FCRL5: variants seen among roughly 807,000 people sequenced by gnomAD.
FCRL5 encodes the protein Fc receptor-like protein 5.
FCRL5 carries 79 observed loss-of-function variants against 92.1 expected under a neutral mutation model. The observed-to-expected ratio is 0.86, with a 90% confidence interval of 0.72 to 1.03. FCRL5 has a LOEUF of 1.03. FCRL5 is among the 50% of genes least tolerant of loss of function. The pLI, the probability that FCRL5 is intolerant of heterozygous loss-of-function variation, is 0.00. For synonymous variants in FCRL5, 466 were observed against 469.3 expected, an observed-to-expected ratio of 0.99 and a Z score of 0.09; for missense variants, 1,160 against 1,181.1, an observed-to-expected ratio of 0.98 and a Z score of 0.26.
At chr1:157,547,533 G>A (rs1035904447) in intron 2 of FCRL5, 1 of 396,396 alleles carries the variant, frequency 2.5e-6, no homozygotes, top group Middle Eastern at 5.8e-4. Flanking sequence ...ACACTCATAA[G>A]AAACTCCAAA....
chr1:157,515,963 G>A (rs888362200), intron 15 of FCRL5, 90 bp from the exon 16 acceptor site: 7 of 1,422,290 alleles, frequency 4.9e-6, no homozygotes, highest in East Asian at 2.3e-5. Flanking sequence ...TGAGCCTCCT[G>A]GAGGCCCGCT....
chr1:157,547,810 G>T (rs1651628515), intron 2 of FCRL5, among the ~76,000 whole-genome samples: 1 of 152,202 alleles, frequency 6.6e-6, no homozygotes, highest in Non-Finnish European at 1.5e-5. Context: ...GTAGAGGGTT[G>T]TTGCTGTTCA....
At chr1:157,518,851 T>G in intron 13 of FCRL5, 69 bp from the exon 14 acceptor site, 2 of 1,297,854 alleles carry the variant, frequency 1.5e-6, no homozygotes, top group South Asian at 2.8e-5. Context: ...TCACTCCTAG[T>G]GAGTGACTTC....
Position 157,544,369 on chromosome 1 carries a change from T to C in FCRL5, c.737A>G (p.Gln246Arg). The change falls in exon 5 of 17, where the codon CAG (glutamine) becomes CGG (arginine). Residue 246 changes from glutamine to arginine, a missense_variant. Physicochemically the swap from Gln to Arg is conservative, Grantham distance 43. Transcript: ENST00000361835. ...ATCTTTACTCCACATGGCAGTAATC[T>C]GGAAATTCGGGGAGAGACTCCAGCC... Reference protein sequence around the residue: ...GLGWSLSPNFQITAMWSKDSG... With the variant: ...GLGWSLSPNFRITAMWSKDSG... 1.1e-5 allele frequency: 17 copies of C among 1,614,200 alleles called. No homozygotes were observed. Among genetic ancestry groups the C allele is most frequent in the Non-Finnish European group, 1.4e-5 (17 of 1,180,034 alleles).
intron 15 of FCRL5, chr1:157,516,154 T>G: frequency 1.8e-6 from 1 of 565,362 alleles, no homozygotes; most frequent in Non-Finnish European, 3.2e-6. Flanking sequence ...TTTTATCTTG[T>G]TAGTTATTTG....
In FCRL5 at chr1:157,518,618, T is replaced by C. The variant is rs1276447775; in HGVS notation, c.2743+82A>G. The C allele has an allele frequency of 1.8e-5, 26 of 1,472,004 alleles. No individual in the cohort carries two copies. The South Asian group carries it at 2.8e-4, about 16-fold the overall frequency. The allele number at this position is 1,472,004 out of a possible 1,614,324, so 91.2% of individuals were successfully genotyped here. A position where few individuals can be genotyped will look rare whatever the true frequency, so the allele number is the denominator to read the frequency against. On this transcript the variant is annotated intron_variant, in intron 14 of 16. Transcript: ENST00000361835. ...GACTAGAGCCCTCTAGGCCTCGGCATAGTCCCTCCCCATCTCCTGCCCCAC... is the reference window on the plus strand; with the variant it reads ...GACTAGAGCCCTCTAGGCCTCGGCACAGTCCCTCCCCATCTCCTGCCCCAC...
At chr1:157,547,970 G>T (rs1250412938) in intron 2 of FCRL5, among the ~76,000 whole-genome samples, 1 of 152,204 alleles carries the variant, frequency 6.6e-6, no homozygotes, top group Non-Finnish European at 1.5e-5. Context: ...TGTCCTGGAG[G>T]ATTTTACTCC....
At chr1:157,550,127 C>T (rs1651751333) in intron 1 of FCRL5, among the ~76,000 whole-genome samples, 1 of 151,790 alleles carries the variant, frequency 6.6e-6, no homozygotes, top group Admixed American at 6.6e-5. Flanking sequence ...AGAAAGGGCA[C>T]AGAAGTGGAG....
chr1:157,535,179 C>T (rs1189572560), intron 7 of FCRL5, among the ~76,000 whole-genome samples: 1 of 152,168 alleles, frequency 6.6e-6, no homozygotes, highest in African/African-American at 2.4e-5. Context: ...GGAAAAAATT[C>T]CTTGTCTTGC....
At chr1:157,530,253 A>G (rs1460408181) in intron 8 of FCRL5, among the ~76,000 whole-genome samples, 1 of 152,228 alleles carries the variant, frequency 6.6e-6, no homozygotes, top group East Asian at 1.9e-4. Flanking sequence ...GTATTACTTA[A>G]AAATCTACAT....
chr1:157,535,755 T>C (rs1476348339), intron 7 of FCRL5, among the ~76,000 whole-genome samples: 3 of 152,158 alleles, frequency 2.0e-5, no homozygotes, highest in Non-Finnish European at 4.4e-5. Flanking sequence ...AAGTTAATCA[T>C]CAAAACAATT....
intron 13 of FCRL5, 58 bp from the exon 14 acceptor site, chr1:157,518,840 A>G (rs554960795): frequency 5.5e-6 from 8 of 1,443,634 alleles, no homozygotes; most frequent in Non-Finnish European, 7.7e-6. Context: ...AGCTATAATG[A>G]TCACTCCTAG....
Position 157,515,459 on chromosome 1 carries a change from G to T in FCRL5, c.*216C>A. The T allele has an allele frequency of 1.1e-6, 1 of 944,816 alleles. No homozygotes were observed. 58.5% of individuals were successfully genotyped at this position (944,816 alleles called of 1,614,324 possible). A position where few individuals can be genotyped will look rare whatever the true frequency, so the allele number is the denominator to read the frequency against. ...CTGGAGTGGGAGCACCTTGCCACTGGATTAAAAAACCTGCCAGTCAGGGCT... is the reference window on the plus strand; with the variant it reads ...CTGGAGTGGGAGCACCTTGCCACTGTATTAAAAAACCTGCCAGTCAGGGCT... On this transcript the variant is annotated 3_prime_UTR_variant, in exon 17 of 17. Transcript: ENST00000361835.
At chr1:157,537,710 G>A (rs368694605) in intron 7 of FCRL5, among the ~76,000 whole-genome samples, 4 of 151,996 alleles carry the variant, frequency 2.6e-5, no homozygotes, top group African/African-American at 9.7e-5. Context: ...TGTCGCCCCC[G>A]GACACCCAGC....
intron 2 of FCRL5, among the ~76,000 whole-genome samples, chr1:157,549,352 G>A (rs1427166025): frequency 2.6e-5 from 4 of 151,858 alleles, no homozygotes; most frequent in Non-Finnish European, 4.4e-5. Flanking sequence ...GAGTTAGTGG[G>A]TGCAGCGCAC....
chr1:157,515,954 G>C, intron 15 of FCRL5, 81 bp from the exon 16 acceptor site: 1 of 1,492,128 alleles, frequency 6.7e-7, no homozygotes, highest in Admixed American at 1.7e-5. Context: ...GGCCAGCCCT[G>C]AGCCTCCTGG....
Position 157,544,450 on chromosome 1 carries a change from C to T in FCRL5, c.656G>A (p.Arg219Lys). Reference protein sequence around the residue: ...LTCETQLSLERSDVPLRFRFF... With the variant: ...LTCETQLSLEKSDVPLRFRFF... ...GCGGAACCGGAGCGGGACATCTGAC[C>T]TCTCTAGAGAGAGCTGGGTCTCACA... Residue 219 changes from arginine to lysine, a missense_variant, in exon 5 of 17, where the codon AGG (arginine) becomes AAG (lysine). Physicochemically the swap from Arg to Lys is conservative, Grantham distance 26 (BLOSUM62 2). Transcript: ENST00000361835. The T allele has an allele frequency of 1.2e-6, 2 of 1,614,214 alleles. No individual in the cohort carries two copies. Among genetic ancestry groups the T allele is most frequent in the Non-Finnish European group, 1.7e-6 (2 of 1,180,040 alleles).
intron 16 of FCRL5, 33 bp from the exon 17 acceptor site, chr1:157,515,797 G>A: frequency 6.2e-7 from 1 of 1,613,806 alleles, no homozygotes; most frequent in Non-Finnish European, 8.5e-7. Flanking sequence ...TGAGGACCAG[G>A]GTGGGCCTGG....
intron 2 of FCRL5, 151 bp from the exon 3 acceptor site, chr1:157,547,348 C>A (rs759748780): frequency 2.0e-6 from 2 of 1,005,306 alleles, no homozygotes; most frequent in Non-Finnish European, 3.1e-6. Context: ...TCCCTGTCAG[C>A]CAGTGGCCCT....
Sources: allele counts gnomAD v4.1 joint callset (sites outside exome capture counted in the v4.1 genomes callset), GRCh38; gene constraint gnomAD v4.1.1; transcripts MANE v1.5; gene names NCBI Gene and HGNC (gene_info 2026-07-23, HGNC 2026-07-21).